Variants in CHODL observed in about 807,000 individuals in gnomAD.
The protein encoded by CHODL is chondrolectin.
Under a neutral mutation model 34.5 loss-of-function variants are expected in CHODL, and 29 were observed. That is an observed-to-expected ratio of 0.84 (90% CI 0.63 to 1.15). The LOEUF (loss-of-function observed/expected upper bound fraction) is 1.15, where lower values mean the gene tolerates loss of function less well. CHODL is among the 50% of genes most tolerant of loss of function. CHODL has a pLI of 0.00. For missense variants in CHODL, 332 were observed against 332.5 expected (o/e 1.00, Z 0.01); for synonymous variants, 125 against 116.1 (o/e 1.08, Z -0.49).
At position 17,919,054 on chromosome 21, in the gene CHODL, C is replaced by A. The variant is rs150475576; in HGVS notation, c.-145+1654C>A. On this transcript the variant is annotated intron_variant, in intron 1 of 6. Transcript: ENST00000400127. ...TCCCATCCCCTTGGGCAGCTCTGCC[C>A]CTGTGGCTTTGCAGGGTAAAGTCCC... 8.0e-3 allele frequency among the ~76,000 whole-genome samples: 1,218 copies of A among 152,344 alleles called. 18 individuals carry two copies. The highest frequency in any genetic ancestry group is 0.027 in the African/African-American group (1,122 of 41,578).
At chr21:18,179,133 C>T (rs1230340306) in intron 2 of CHODL, among the ~76,000 whole-genome samples, 3 of 152,112 alleles carry the variant, frequency 2.0e-5, no homozygotes, top group African/African-American at 4.8e-5. Flanking sequence ...AAACTTGAGG[C>T]CTCAAGTTGA....
At chr21:18,098,719 G>T (rs949233696) in intron 2 of CHODL, among the ~76,000 whole-genome samples, 1 of 152,070 alleles carries the variant, frequency 6.6e-6, no homozygotes, top group Non-Finnish European at 1.5e-5. Context: ...CAATCCCACT[G>T]CTGGGTATAT....
chr21:18,050,304 A>G (rs1274678587), intron 2 of CHODL, among the ~76,000 whole-genome samples: 3 of 151,944 alleles, frequency 2.0e-5, no homozygotes, highest in Non-Finnish European at 4.4e-5. Context: ...TTGGATTTAT[A>G]TGGCCTTTTA....
chr21:18,263,364 T>G (rs2074405738), intron 5 of CHODL, among the ~76,000 whole-genome samples: 1 of 152,216 alleles, frequency 6.6e-6, no homozygotes, highest in South Asian at 2.1e-4. Context: ...GTTTCTGTTT[T>G]ATTTCAAAAA....
intron 1 of CHODL, among the ~76,000 whole-genome samples, chr21:18,020,957 G>A (rs1202372056): frequency 6.6e-6 from 1 of 152,160 alleles, no homozygotes; most frequent in Non-Finnish European, 1.5e-5. Context: ...TATATGATGA[G>A]ACACCAGAGA....
At chr21:17,938,892 G>C (rs535804332) in intron 1 of CHODL, among the ~76,000 whole-genome samples, 1 of 151,218 alleles carries the variant, frequency 6.6e-6, no homozygotes, top group African/African-American at 2.4e-5. Flanking sequence ...ATTTTTTTTC[G>C]TTTCTATCCT....
intron 2 of CHODL, among the ~76,000 whole-genome samples, chr21:18,072,085 A>T (rs1172363262): frequency 6.6e-6 from 1 of 152,086 alleles, no homozygotes; most frequent in Admixed American, 6.5e-5. Flanking sequence ...ATTAATAGTA[A>T]ATGTAAAAAA....
chr21:18,102,151 T>C (rs2065223163), intron 2 of CHODL, among the ~76,000 whole-genome samples: 1 of 152,310 alleles, frequency 6.6e-6, no homozygotes, highest in East Asian at 1.9e-4. Context: ...TCTATATCCA[T>C]AGGCTAGAAC....
intron 2 of CHODL, among the ~76,000 whole-genome samples, chr21:18,110,355 C>T (rs897427718): frequency 2.6e-5 from 4 of 152,144 alleles, no homozygotes; most frequent in East Asian, 1.9e-4. Flanking sequence ...CTCCTTGATT[C>T]TGAGTTGGCC....
intron 2 of CHODL, among the ~76,000 whole-genome samples, chr21:18,117,101 G>C (rs1362425943): frequency 6.6e-6 from 1 of 152,206 alleles, no homozygotes; most frequent in Admixed American, 6.5e-5. Flanking sequence ...TAGCAAAGCA[G>C]GATGTTAAAC....
intron 1 of CHODL, among the ~76,000 whole-genome samples, chr21:17,965,402 C>A (rs960592793): frequency 2.0e-5 from 3 of 152,026 alleles, no homozygotes; most frequent in African/African-American, 7.2e-5. Context: ...TTTTCTATTT[C>A]ACCATTAGTG....
chr21:18,090,971 C>T (rs984369281), intron 2 of CHODL, among the ~76,000 whole-genome samples: 13 of 152,326 alleles, frequency 8.5e-5, no homozygotes, highest in African/African-American at 3.1e-4. Context: ...TCTTGAATCA[C>T]AGAAACCACC....
chr21:18,234,055 CT>C (rs541358377), intron 2 of CHODL, among the ~76,000 whole-genome samples: 193 of 152,226 alleles, frequency 1.3e-3, no homozygotes, highest in African/African-American at 4.5e-3. Flanking sequence ...ATGTCCAAGG[CT>C]TTTTGGTTAA....
intron 1 of CHODL, among the ~76,000 whole-genome samples, chr21:17,995,650 A>T (rs914718908): frequency 1.3e-5 from 2 of 152,118 alleles, no homozygotes; most frequent in African/African-American, 4.8e-5. Context: ...CAACAATCCC[A>T]TCTCTTGTGC....
chr21:17,937,081 C>CAAA (rs71189570), intron 1 of CHODL, among the ~76,000 whole-genome samples: 30,775 of 94,066 alleles, frequency 0.33, 4,654 homozygotes, highest in East Asian at 0.46. Flanking sequence ...GACTCCATCT[C>CAAA]AAAAAAAAAA....
At chr21:18,195,572 G>A (rs2146699947) in intron 2 of CHODL, among the ~76,000 whole-genome samples, 1 of 152,192 alleles carries the variant, frequency 6.6e-6, no homozygotes, top group Non-Finnish European at 1.5e-5. Context: ...TTGTCTTTCT[G>A]TGCCTGGCTT....
chr21:18,020,101 C>T (rs1413908089), intron 1 of CHODL, among the ~76,000 whole-genome samples: 1 of 152,100 alleles, frequency 6.6e-6, no homozygotes, highest in African/African-American at 2.4e-5. Context: ...CAAAGAATTA[C>T]ATGATATGAA....
chr21:17,932,561 G>A (rs752882887), intron 1 of CHODL, among the ~76,000 whole-genome samples: 4 of 151,746 alleles, frequency 2.6e-5, no homozygotes, highest in Non-Finnish European at 5.9e-5. Flanking sequence ...CAGCCTAAGT[G>A]TCCATCAATG....
chr21:18,236,678 T>G (rs1330229531), intron 2 of CHODL, among the ~76,000 whole-genome samples: 1 of 152,072 alleles, frequency 6.6e-6, no homozygotes, highest in Non-Finnish European at 1.5e-5. Flanking sequence ...TCAAAAAATT[T>G]TGCAAAATTT....
Sources: allele counts gnomAD v4.1 joint callset (sites outside exome capture counted in the v4.1 genomes callset), GRCh38; gene constraint gnomAD v4.1.1; transcripts MANE v1.5; gene names NCBI Gene and HGNC (gene_info 2026-07-23, HGNC 2026-07-21).